The following IRGC variants were observed in gnomAD, a reference collection of about 807,000 sequenced individuals.
IRGC encodes the protein interferon-inducible GTPase 5.
IRGC carries 4 observed loss-of-function variants against 16.1 expected under a neutral mutation model. The ratio of observed to expected loss-of-function variants is 0.25; its 90% CI spans 0.12 to 0.57. IRGC has a LOEUF of 0.57. Ranked by LOEUF, IRGC falls within the 20% of genes least tolerant of loss-of-function variation. The probability of loss-of-function intolerance (pLI) is 0.92; values close to 1 mark genes in which losing one functional copy is unlikely to be tolerated. For synonymous variants in IRGC, 307 were observed against 299.5 expected (o/e 1.03, Z -0.26); for missense variants, 570 against 643.9 (o/e 0.89, Z 1.24).
rs770869458 is a variant in IRGC at position 43,717,235 on chromosome 19, G to A, written c.-67+1093G>A. Among the ~76,000 whole-genome samples the A allele has an allele frequency of 3.3e-5, 5 of 152,192 alleles. No individual in the cohort carries two copies. The East Asian group carries it at 5.8e-4, about 18-fold the overall frequency. ...TAGGGCTAGCTGAACGGGGTTTGTG[G>A]GCATCACAGCAGCCCTGCGAGGTGG... On this transcript the variant is annotated intron_variant, in intron 1 of 1. Coordinates refer to ENST00000244314, the MANE Select transcript of IRGC (RefSeq NM_019612.4).
rs762151119 is a variant in IRGC, at chr19:43,719,058, G to A, written c.500G>A (p.Arg167His). 19 of 1,612,148 alleles carry A rather than the reference G, an allele frequency of 1.2e-5. No individual in the cohort carries two copies. Among genetic ancestry groups the A allele is most frequent in the Non-Finnish European group, 1.4e-5 (17 of 1,179,486 alleles). Residue 167 changes from arginine (R) to histidine (H), a missense_variant, in exon 2 of 2, where the codon CGC becomes CAC. Coordinates refer to ENST00000244314, the MANE Select transcript of IRGC (RefSeq NM_019612.4). ...CAGGGCAAGAAGTTCTACTTTGTGC[G>A]CACCAAGGTGGACGAGGACCTGGCG... ...LCQGKKFYFV[R>H]TKVDEDLAAT... is the part of the protein sequence containing the mutation.
chr19:43,718,665 T>A lies in IRGC; in HGVS notation c.107T>A (p.Leu36His). 6.2e-7 allele frequency: 1 copy of A among 1,613,376 alleles called. No individual in the cohort carries two copies. Among genetic ancestry groups the A allele is most frequent in the Non-Finnish European group, 8.5e-7 (1 of 1,179,958 alleles). The change falls in exon 2 of 2, where the codon CTC becomes CAC. Residue 36 changes from leucine to histidine, a missense_variant. Physicochemically the swap from Leu to His is moderately conservative, Grantham distance 99. Transcript: ENST00000244314. ...CGCACAGCCTTTGAGTCGGGTGACCTCCCCCAGGCCGCCTCTCACCTCCAG... is the reference window on the plus strand; with the variant it reads ...CGCACAGCCTTTGAGTCGGGTGACCACCCCCAGGCCGCCTCTCACCTCCAG... ...ALRTAFESGD[L>H]PQAASHLQEL...
rs996957613 is a variant in IRGC at position 43,718,924 on chromosome 19, T to C, written c.366T>C (p.Ala122=). The change falls in exon 2 of 2, where the codon GCT becomes GCC. Residue 122 remains alanine, a synonymous_variant. Coordinates refer to ENST00000244314, the MANE Select transcript of IRGC (RefSeq NM_019612.4). ...GAGCCGGCTCTCCAGGCTGCCCGGC[T>C]GACAAGTACCTAAAGCAGGTAGACT... ...LPGAGSPGCP[A]DKYLKQVDFS... 6.2e-7 allele frequency: 1 copy of C among 1,612,730 alleles called. No individual in the cohort carries two copies. Among genetic ancestry groups the C allele is most frequent in the African/African-American group, 1.3e-5 (1 of 74,910 alleles).
At chr19:43,716,369 CT>C (rs368808550) in intron 1 of IRGC, among the ~76,000 whole-genome samples, 75 of 147,982 alleles carry the variant, frequency 5.1e-4, no homozygotes, top group Non-Finnish European at 6.9e-4. Flanking sequence ...TTTTTTTTTC[CT>C]TTTTTTTTTT....
chr19:43,719,737 T>G lies in IRGC; in HGVS notation c.1179T>G (p.Ala393=). The part of the protein sequence containing the change: ...TMLQGCLNEM[A]EDAQRVRIKA... ...TCCAGGGCTGCCTCAACGAGATGGC[T>G]GAGGACGCCCAGCGTGTCCGCATCA... Residue 393 remains alanine, a synonymous_variant, in exon 2 of 2, where the codon GCT becomes GCG. Coordinates refer to ENST00000244314, the MANE Select transcript of IRGC (RefSeq NM_019612.4). The G allele has an allele frequency of 1.2e-6, 2 of 1,613,440 alleles. No individual in the cohort carries two copies. Among genetic ancestry groups the G allele is most frequent in the Non-Finnish European group, 8.5e-7 (1 of 1,179,810 alleles).
Position 43,718,834 on chromosome 19 carries a change from C to T in IRGC, c.276C>T (p.Thr92=), listed in dbSNP as rs1436407555. 6.2e-7 allele frequency: 1 copy of T among 1,613,014 alleles called. No homozygotes were observed. Among genetic ancestry groups the T allele is most frequent in the East Asian group, 2.2e-5 (1 of 44,880 alleles). ...CGGCTCTCACGGGCGTCATGGAGAC[C>T]ACGATGCAACCGTCGCCCTATCCAC... The part of the protein sequence containing the change: ...PGAALTGVME[T]TMQPSPYPHP... Residue 92 remains threonine (T), a synonymous_variant, in exon 2 of 2, where the codon ACC becomes ACT. Coordinates refer to ENST00000244314, the MANE Select transcript of IRGC (RefSeq NM_019612.4).
rs747713451 is a variant in IRGC, at chr19:43,719,261, G to A, written c.703G>A (p.Asp235Asn). 10 of 1,608,758 alleles carry A rather than the reference G, an allele frequency of 6.2e-6. No individual in the cohort carries two copies. Among genetic ancestry groups the A allele is most frequent in the Non-Finnish European group, 4.2e-6 (5 of 1,177,528 alleles). ...FPTLVSTWEHDLPSHRRHAGL... is the reference protein window; with the variant it reads ...FPTLVSTWEHNLPSHRRHAGL... ...CACGCTGGTGTCCACCTGGGAGCAC[G>A]ACCTGCCCTCCCACCGGCGCCACGC... is the stretch of plus-strand genomic sequence containing the variant. The change falls in exon 2 of 2, where the codon GAC becomes AAC. Residue 235 changes from aspartate (D) to asparagine (N), a missense_variant. Physicochemically the swap from Asp to Asn is conservative, Grantham distance 23. Transcript: ENST00000244314.
At chr19:43,716,960 G>A (rs1310028606) in intron 1 of IRGC, among the ~76,000 whole-genome samples, 2 of 152,180 alleles carry the variant, frequency 1.3e-5, no homozygotes, top group Non-Finnish European at 1.5e-5. Flanking sequence ...GTGAGTAAAT[G>A]TATTTTAGAG....
In IRGC at chr19:43,719,429, G is replaced by T; in HGVS notation, c.871G>T (p.Asp291Tyr). 1 of 1,604,482 alleles carries T rather than the reference G, an allele frequency of 6.2e-7. No individual in the cohort carries two copies. Residue 291 changes from aspartate (D) to tyrosine (Y), a missense_variant, in exon 2 of 2, where the codon GAT becomes TAT. Transcript: ENST00000244314. ...CCCAGGGCTGGCGGCCGCCTACGAT[G>T]ATGCGTTGCTCATCCACTCACTGCG... ...PVPGLAAAYD[D>Y]ALLIHSLRGY...
Position 43,718,562 on chromosome 19 carries a change from G to C in IRGC, c.4G>C (p.Ala2Pro), listed in dbSNP as rs757576470. The C allele has an allele frequency of 3.2e-6, 5 of 1,567,754 alleles. No individual in the cohort carries two copies. Among genetic ancestry groups the C allele is most frequent in the Admixed American group, 3.6e-5 (2 of 55,304 alleles). Residue 2 changes from alanine to proline, a missense_variant, in exon 2 of 2, where the codon GCT becomes CCT. Physicochemically the swap from Ala to Pro is conservative, Grantham distance 27. Transcript: ENST00000244314. ...ACCCTCTGAACCACTGGCCACCATG[G>C]CTACTTCAAAGTTGCCCGTGGTGCC... MATSKLPVVPGE... is the reference protein window; with the variant it reads MPTSKLPVVPGE...
rs1968203230 is a variant in IRGC, at chr19:43,718,460, A to G, written c.-66-33A>G. The G allele has an allele frequency of 2.7e-6, 4 of 1,494,324 alleles. No individual in the cohort carries two copies. The South Asian group carries it at 4.1e-5, about 15-fold the overall frequency. 92.6% of individuals were successfully genotyped at this position (1,494,324 alleles called of 1,614,324 possible). A position where few individuals can be genotyped will look rare whatever the true frequency, so the allele number is the denominator to read the frequency against. ...CTCTCCCTGCCCCATGCCAAGGCCC[A>G]GGAGGTGTGAATGGCTCCCTTCTCC... On this transcript the variant is annotated intron_variant, in intron 1 of 1. Coordinates refer to ENST00000244314, the MANE Select transcript of IRGC (RefSeq NM_019612.4).
chr19:43,719,566 C>G lies in IRGC; in HGVS notation c.1008C>G (p.Asn336Lys), dbSNP rs553364902. Reference sequence around the variant, plus strand: ...CGGTCATCCGCTCCCCACTGGCCAACGAGGTCTCGCCTGAGACTGTCCTGC... The same window carrying G: ...CGGTCATCCGCTCCCCACTGGCCAAGGAGGTCTCGCCTGAGACTGTCCTGC... ...LRSVIRSPLA[N>K]EVSPETVLRL... Residue 336 changes from asparagine (N) to lysine (K), a missense_variant, in exon 2 of 2, where the codon AAC becomes AAG. Physicochemically the swap from Asn to Lys is moderately conservative, Grantham distance 94. Transcript: ENST00000244314. 1 of 1,602,230 alleles carries G rather than the reference C, an allele frequency of 6.2e-7. No individual in the cohort carries two copies. Among genetic ancestry groups the G allele is most frequent in the Middle Eastern group, 1.7e-4 (1 of 6,060 alleles).
At position 43,719,675 on chromosome 19, in the gene IRGC, G is replaced by T. The variant is rs1469925309; in HGVS notation, c.1117G>T (p.Ala373Ser). ...RGIPVFGTLV[A>S]GGISFGAVYT... ...CATCCCTGTGTTTGGGACGCTGGTGGCTGGCGGCATCAGCTTTGGCGCTGT... is the reference window on the plus strand; with the variant it reads ...CATCCCTGTGTTTGGGACGCTGGTGTCTGGCGGCATCAGCTTTGGCGCTGT... The change falls in exon 2 of 2, where the codon GCT becomes TCT. Residue 373 changes from alanine to serine, a missense_variant. Coordinates refer to ENST00000244314, the MANE Select transcript of IRGC (RefSeq NM_019612.4). The T allele has an allele frequency of 7.5e-6, 12 of 1,610,116 alleles. No homozygotes were observed. The highest frequency in any genetic ancestry group is 1.0e-5 in the Non-Finnish European group (12 of 1,179,920).
chr19:43,719,019 C>T lies in IRGC; in HGVS notation c.461C>T (p.Ala154Val). The change falls in exon 2 of 2, where the codon GCT (alanine) becomes GTT (valine). Residue 154 changes from alanine (A) to valine (V), a missense_variant. By Grantham distance (64) the Ala-to-Val change is moderately conservative (BLOSUM62 0). Coordinates refer to ENST00000244314, the MANE Select transcript of IRGC (RefSeq NM_019612.4). ...GGGGCCGTCGAGACCCGCCTGGCCG[C>T]TGAGATCCTGTGCCAGGGCAAGAAG... ...RCGAVETRLA[A>V]EILCQGKKFY... The T allele has an allele frequency of 6.2e-7, 1 of 1,612,772 alleles. No homozygotes were observed. Among genetic ancestry groups the T allele is most frequent in the Non-Finnish European group, 8.5e-7 (1 of 1,179,826 alleles).
At position 43,718,845 on chromosome 19, in the gene IRGC, C is replaced by T. The variant is rs1340307354; in HGVS notation, c.287C>T (p.Pro96Leu). Residue 96 changes from proline to leucine, a missense_variant, in exon 2 of 2, where the codon CCG becomes CTG. By Grantham distance (98) the Pro-to-Leu change is moderately conservative. Transcript: ENST00000244314. ...LTGVMETTMQPSPYPHPQFPD... is the reference protein window; with the variant it reads ...LTGVMETTMQLSPYPHPQFPD... ...GGCGTCATGGAGACCACGATGCAACCGTCGCCCTATCCACACCCACAGTTC... is the reference window on the plus strand; with the variant it reads ...GGCGTCATGGAGACCACGATGCAACTGTCGCCCTATCCACACCCACAGTTC... 2 of 1,613,040 alleles carry T rather than the reference C, an allele frequency of 1.2e-6. No individual in the cohort carries two copies. Among genetic ancestry groups the T allele is most frequent in the African/African-American group, 2.7e-5 (2 of 74,928 alleles).
chr19:43,716,165 G>T (rs1056374286), intron 1 of IRGC, 23 bp downstream of exon 1: 1 of 152,440 alleles, frequency 6.6e-6, no homozygotes, highest in South Asian at 2.1e-4. Context: ...GGGCTCTCTC[G>T]CTGGGCCCCT....
rs1968209603 is a variant in IRGC, at chr19:43,718,634, G to T, written c.76G>T (p.Ala26Ser). 21 of 1,613,308 alleles carry T rather than the reference G, an allele frequency of 1.3e-5. No individual in the cohort carries two copies. The highest frequency in any genetic ancestry group is 1.8e-5 in the Non-Finnish European group (21 of 1,179,898). ...CCTTATGGCCAAGGAAAGGCTGGAG[G>T]CCCTGCGCACAGCCTTTGAGTCGGG... ...TILMAKERLE[A>S]LRTAFESGDL... Residue 26 changes from alanine to serine, a missense_variant, in exon 2 of 2, where the codon GCC (alanine) becomes TCC (serine). Physicochemically the swap from Ala to Ser is moderately conservative, Grantham distance 99. Coordinates refer to ENST00000244314, the MANE Select transcript of IRGC (RefSeq NM_019612.4).
rs757387448 is a variant in IRGC, at chr19:43,719,767, C to T, written c.1209C>T (p.Ala403=). The stretch of plus-strand genomic sequence containing the variant: ...ACGCCCAGCGTGTCCGCATCAAGGC[C>T]CTGGAGGATGACGAGCCGCAGCCGG... ...AEDAQRVRIK[A]LEDDEPQPEV... is the part of the protein sequence containing the mutation. Residue 403 remains alanine, a synonymous_variant, in exon 2 of 2, where the codon GCC becomes GCT. Transcript: ENST00000244314. The T allele has an allele frequency of 3.7e-5, 60 of 1,613,758 alleles. No homozygotes were observed. In the South Asian group the frequency reaches 6.4e-4, roughly 17 times the overall value.
Position 43,718,544 on chromosome 19 carries a change from G to A in IRGC, c.-15G>A. ...TCTCCCCTGTCCCCCGCCACCCTCT[G>A]AACCACTGGCCACCATGGCTACTTC... On this transcript the variant is annotated 5_prime_UTR_variant, in exon 2 of 2. Coordinates refer to ENST00000244314, the MANE Select transcript of IRGC (RefSeq NM_019612.4). 1.3e-6 allele frequency: 2 copies of A among 1,553,058 alleles called. No homozygotes were observed. The highest frequency in any genetic ancestry group is 1.7e-6 in the Non-Finnish European group (2 of 1,147,856).
Sources: gnomAD v4.1 joint callset for allele counts (sites outside exome capture counted in the v4.1 genomes callset) on GRCh38, gnomAD v4.1.1 for gene constraint, MANE v1.5 for transcripts, NCBI Gene and HGNC (gene_info 2026-07-23, HGNC 2026-07-21) for gene names.